The following ANKS3 variants were observed in gnomAD, a reference collection of about 807,000 sequenced individuals.
The protein encoded by ANKS3 is ankyrin repeat and sterile alpha motif domain containing 3.
ANKS3 carries 62 observed loss-of-function variants against 80.7 expected under a neutral mutation model. That is an observed-to-expected ratio of 0.77 (90% CI 0.63 to 0.95). The LOEUF (loss-of-function observed/expected upper bound fraction) is 0.95, where lower values mean the gene tolerates loss of function less well. Among genes scored for constraint, ANKS3 ranks in the 40% least tolerant of loss-of-function variants. The pLI is 0.00. For synonymous variants in ANKS3, 489 were observed against 355.3 expected, an observed-to-expected ratio of 1.38 and a Z score of -4.23; for missense variants, 1,150 against 883.6, an observed-to-expected ratio of 1.30 and a Z score of -3.82.
intron 6 of ANKS3, among the ~76,000 whole-genome samples, chr16:4,720,136 T>G (rs2081012265): frequency 8.5e-6 from 1 of 117,946 alleles, no homozygotes; most frequent in African/African-American, 3.4e-5. Flanking sequence ...TACTCCAGCC[T>G]TGGGGACAGA....
In ANKS3 at chr16:4,734,028, A is replaced by G; in HGVS notation, c.-161T>C. 1 of 984,738 alleles carries G rather than the reference A, an allele frequency of 1.0e-6. No homozygotes were observed. The highest frequency in any genetic ancestry group is 1.2e-6 in the Non-Finnish European group (1 of 829,268). The allele number at this position is 984,738 out of a possible 1,614,324, so 61.0% of individuals were successfully genotyped here. A position where few individuals can be genotyped will look rare whatever the true frequency, so the allele number is the denominator to read the frequency against. On this transcript the variant is annotated 5_prime_UTR_variant, in exon 1 of 18. Transcript: ENST00000304283. ...TACTGTGCCCCCACCACAACCACAT[A>G]AAGAAAATGTGGGGGCTCGGTCCTC...
chr16:4,726,355 A>G (rs1340783675), intron 5 of ANKS3, among the ~76,000 whole-genome samples: 1 of 152,230 alleles, frequency 6.6e-6, no homozygotes, highest in Non-Finnish European at 1.5e-5. Context: ...GTAATGTATG[A>G]CATTTAAATG....
At chr16:4,731,772 TG>T (rs1370321842) in intron 1 of ANKS3, among the ~76,000 whole-genome samples, 193 bp from the exon 2 acceptor site, 1 of 152,096 alleles carries the variant, frequency 6.6e-6, no homozygotes, top group Non-Finnish European at 1.5e-5. Context: ...GAGAGAGCTA[TG>T]GGGGGAAATA....
chr16:4,734,131 G>C lies in ANKS3; in HGVS notation c.-264C>G, dbSNP rs1314689228. 1 of 704,812 alleles carries C rather than the reference G, an allele frequency of 1.4e-6. No individual in the cohort carries two copies. The highest frequency in any genetic ancestry group is 1.3e-4 in the East Asian group (1 of 7,534). 43.7% of individuals were successfully genotyped at this position (704,812 alleles called of 1,614,324 possible). ...CGGGCTGCAGGTGCCGGCAAGTGCT[G>C]GGGCCGGGCCGCCGCGGAACCCACC... On this transcript the variant is annotated 5_prime_UTR_variant, in exon 1 of 18. Coordinates refer to ENST00000304283, the MANE Select transcript of ANKS3 (RefSeq NM_133450.4).
At chr16:4,700,437 C>T (rs972395653) in intron 11 of ANKS3, 1 of 217,072 alleles carries the variant, frequency 4.6e-6, no homozygotes. Context: ...ACCAAATAAC[C>T]AACCAGAGCT....
At chr16:4,705,926 C>CTTTT (rs58092936) in intron 7 of ANKS3, among the ~76,000 whole-genome samples, 1 of 149,364 alleles carries the variant, frequency 6.7e-6, no homozygotes, top group Non-Finnish European at 1.5e-5. Flanking sequence ...TTGGAAACAA[C>CTTTT]TTTTTTTTTT....
At chr16:4,708,902 G>A (rs1176217308) in intron 7 of ANKS3, among the ~76,000 whole-genome samples, 1 of 151,078 alleles carries the variant, frequency 6.6e-6, no homozygotes, top group African/African-American at 2.4e-5. Flanking sequence ...TCGCGCCACT[G>A]CACTCCAGCC....
rs73504476 is a variant in ANKS3, at chr16:4,713,888, G to C, written c.709+163C>G. On this transcript the variant is annotated intron_variant, in intron 7 of 17. Transcript: ENST00000304283. ...TCGTAACCATCCTTATCTCCTGTTA[G>C]AGCAGGGGCCTCAACCTTGACATGT... The C allele has an allele frequency of 5.8e-3, 5,647 of 973,060 alleles. 212 individuals are homozygous for C. In the African/African-American group the frequency reaches 0.085, roughly 15 times the overall value. 60.3% of individuals were successfully genotyped at this position (973,060 alleles called of 1,614,324 possible). A position where few individuals can be genotyped will look rare whatever the true frequency, so the allele number is the denominator to read the frequency against.
intron 3 of ANKS3, chr16:4,727,543 C>A (rs1461637609): frequency 8.6e-6 from 3 of 346,884 alleles, no homozygotes; most frequent in Admixed American, 8.3e-5. Flanking sequence ...GAGGCCAAGG[C>A]TGCCGCTAAA....
At chr16:4,701,673 A>G in intron 9 of ANKS3, 130 bp from the exon 10 acceptor site, 1 of 734,812 alleles carries the variant, frequency 1.4e-6, no homozygotes, top group East Asian at 2.8e-5. Flanking sequence ...TTATATTTCA[A>G]ACTTCCTGCC....
At chr16:4,706,291 T>C (rs1167222645) in intron 7 of ANKS3, among the ~76,000 whole-genome samples, 1 of 151,914 alleles carries the variant, frequency 6.6e-6, no homozygotes, top group East Asian at 1.9e-4. Flanking sequence ...AGTGCAATGG[T>C]GCGATCACGG....
At chr16:4,726,956 G>C in intron 4 of ANKS3, 23 bp downstream of exon 4, 1 of 1,613,428 alleles carries the variant, frequency 6.2e-7, no homozygotes, top group Non-Finnish European at 8.5e-7. Context: ...AGGTTTCTGG[G>C]CCTGAGTTCC....
chr16:4,721,635 T>TTTA (rs1162357902), intron 6 of ANKS3, among the ~76,000 whole-genome samples: 1 of 149,714 alleles, frequency 6.7e-6, no homozygotes. Flanking sequence ...GATTTATTTA[T>TTTA]TTATTTATTT....
chr16:4,705,959 T>C (rs146753625), intron 7 of ANKS3, among the ~76,000 whole-genome samples: 16 of 151,988 alleles, frequency 1.1e-4, no homozygotes, highest in African/African-American at 3.6e-4. Flanking sequence ...GGAGTTTTGC[T>C]CTTGCTGCCC....
At chr16:4,705,320 A>G (rs1055010988) in intron 7 of ANKS3, 67 bp from the exon 8 acceptor site, 5 of 1,547,634 alleles carry the variant, frequency 3.2e-6, no homozygotes, top group Admixed American at 3.8e-5. Flanking sequence ...TCCTTACGGC[A>G]AACTGAAAGA....
At position 4,727,033 on chromosome 16, in the gene ANKS3, T is replaced by C; in HGVS notation, c.315A>G (p.Pro105=). 3.7e-6 allele frequency: 6 copies of C among 1,614,128 alleles called. No individual in the cohort carries two copies. The highest frequency in any genetic ancestry group is 5.1e-6 in the Non-Finnish European group (6 of 1,180,032). Residue 105 remains proline (P), a synonymous_variant, in exon 4 of 18, where the codon CCA becomes CCG. Transcript: ENST00000304283. ...TGCCACAGCTGGAGGCCAGCATCAG[T>C]GGAGTCTGCCCTTCTGGGGTCGGCA... ...VNVPTPEGQT[P]LMLASSCGNE...
Position 4,730,009 on chromosome 16 carries a change from C to A in ANKS3, c.141G>T (p.Gln47His). The A allele has an allele frequency of 6.4e-7, 1 of 1,561,526 alleles. No homozygotes were observed. Among genetic ancestry groups the A allele is most frequent in the Non-Finnish European group, 8.7e-7 (1 of 1,148,258 alleles). ...GCACACACTCCTTCACCACTTCATA[C>A]TGGCCAATGGAAGCAGCTGTGTGAA... ...LDLHTAASIG[Q>H]YEVVKECVQR... The change falls in exon 3 of 18, where the codon CAG (glutamine) becomes CAT (histidine). Residue 47 changes from glutamine to histidine, a missense_variant. Gln to His is a conservative substitution (Grantham distance 24). Transcript: ENST00000304283.
chr16:4,731,134 T>A (rs558476112), intron 2 of ANKS3, among the ~76,000 whole-genome samples: 1 of 152,286 alleles, frequency 6.6e-6, no homozygotes, highest in South Asian at 2.1e-4. Context: ...CATGACATTC[T>A]GGAAAAGGCA....
In ANKS3 at chr16:4,698,567, C is replaced by A; in HGVS notation, c.1584G>T (p.Gln528His). Reference sequence around the variant, plus strand: ...CGCGCAGCTCCTGCTCCTGACACACCTGGCCCCGCGTGGCCTCTACCTCCT... The same window carrying A: ...CGCGCAGCTCCTGCTCCTGACACACATGGCCCCGCGTGGCCTCTACCTCCT... ...RCEEVEATRG[Q>H]VCQEQELRAV... is the part of the protein sequence containing the mutation. The change falls in exon 14 of 18, where the codon CAG (glutamine) becomes CAT (histidine). Residue 528 changes from glutamine to histidine, a missense_variant. Gln to His is a conservative substitution (Grantham distance 24). Transcript: ENST00000304283. 1 of 1,580,222 alleles carries A rather than the reference C, an allele frequency of 6.3e-7. No individual in the cohort carries two copies. Among genetic ancestry groups the A allele is most frequent in the Non-Finnish European group, 8.5e-7 (1 of 1,170,402 alleles).
Sources: gnomAD v4.1 joint callset for allele counts (sites outside exome capture counted in the v4.1 genomes callset) on GRCh38, gnomAD v4.1.1 for gene constraint, MANE v1.5 for transcripts, NCBI Gene and HGNC (gene_info 2026-07-23, HGNC 2026-07-21) for gene names.